MFSD6: variants seen among roughly 807,000 people sequenced by gnomAD.
MFSD6 encodes the protein major facilitator superfamily domain-containing protein 6.
In MFSD6, 26 loss-of-function variants were observed where a neutral mutation model predicts 56.3. That is an observed-to-expected ratio of 0.46 (90% CI 0.34 to 0.64). MFSD6 has a LOEUF of 0.64. MFSD6 is among the 30% of genes least tolerant of loss of function. The probability of loss-of-function intolerance (pLI) is 0.01; values close to 1 mark genes in which losing one functional copy is unlikely to be tolerated. For synonymous variants in MFSD6, 331 were observed against 366.9 expected (o/e 0.90, Z 1.12); for missense variants, 750 against 986.2 (o/e 0.76, Z 3.21).
Position 190,487,467 on chromosome 2 carries a change from A to G in MFSD6, c.1631-1190A>G, listed in dbSNP as rs1689078413. On this transcript the variant is annotated intron_variant, in intron 4 of 7. Coordinates refer to ENST00000392328, the MANE Select transcript of MFSD6 (RefSeq NM_017694.4). The surrounding 1 kb of genome is among the most constrained non-coding windows in gnomAD (Gnocchi z 5.5). ...AATGTTAACCATGATGCTAATTATA[A>G]TGGGGAAAAGTAGAAATAATCTTAA... Among the ~76,000 whole-genome samples, 1 of 152,258 alleles carries G rather than the reference A, an allele frequency of 6.6e-6. No homozygotes were observed. The highest frequency in any genetic ancestry group is 6.5e-5 in the Admixed American group (1 of 15,284).
intron 4 of MFSD6, among the ~76,000 whole-genome samples, chr2:190,478,558 G>C (rs779531035): frequency 1.3e-5 from 2 of 152,124 alleles, no homozygotes; most frequent in African/African-American, 4.8e-5. Context: ...TTTAAAGTCC[G>C]TGTGCTTAAA....
At chr2:190,468,580 G>A (rs1157361776) in intron 3 of MFSD6, among the ~76,000 whole-genome samples, 2 of 150,856 alleles carry the variant, frequency 1.3e-5, no homozygotes, top group Non-Finnish European at 2.9e-5. Context: ...AGCCTCCCAA[G>A]TAGCTGGGAC....
At chr2:190,430,495 CAT>C (rs896922474) in intron 2 of MFSD6, among the ~76,000 whole-genome samples, 17 of 151,874 alleles carry the variant, frequency 1.1e-4, no homozygotes, top group African/African-American at 3.6e-4. Flanking sequence ...GGACACAGCA[CAT>C]GTTTCAGAGA....
rs1687154747 is a variant in MFSD6, at chr2:190,458,439, A to G, written c.1533-11319A>G. ...AACGAGAGGGGCCCTGGAGAAACCA[A>G]CATTGCCAACACCTTGATTTTGGAC... On this transcript the variant is annotated intron_variant, in intron 3 of 7. Transcript: ENST00000392328. This position sits in a 1 kb window ranked among gnomAD's most constrained non-coding sequence, Gnocchi z 5.3. 6.7e-6 allele frequency among the ~76,000 whole-genome samples: 1 copy of G among 148,574 alleles called. No individual in the cohort carries two copies. The highest frequency in any genetic ancestry group is 1.5e-5 in the Non-Finnish European group (1 of 67,200).
At chr2:190,475,320 C>T (rs866415745) in intron 4 of MFSD6, among the ~76,000 whole-genome samples, 30 of 152,120 alleles carry the variant, frequency 2.0e-4, no homozygotes, top group South Asian at 1.9e-3. Context: ...AAAACCCCAT[C>T]GTCTCAGCCC....
At chr2:190,470,643 G>A (rs1222913065) in intron 4 of MFSD6, among the ~76,000 whole-genome samples, 3 of 152,118 alleles carry the variant, frequency 2.0e-5, no homozygotes, top group Admixed American at 6.5e-5. Context: ...GATTATATAC[G>A]ATTTCATTAG....
chr2:190,427,835 G>A (rs1037866313), intron 2 of MFSD6, among the ~76,000 whole-genome samples: 9 of 151,996 alleles, frequency 5.9e-5, no homozygotes, highest in South Asian at 2.1e-4. Context: ...GGGTTCAAGC[G>A]ATTCTCCTGT....
At chr2:190,468,617 T>C (rs1317499464) in intron 3 of MFSD6, among the ~76,000 whole-genome samples, 2 of 111,530 alleles carry the variant, frequency 1.8e-5, no homozygotes, top group East Asian at 7.1e-4. Flanking sequence ...CAAGCCTGGC[T>C]AATTTTTTTT....
chr2:190,448,331 T>TA (rs1686656816), intron 3 of MFSD6, among the ~76,000 whole-genome samples: 1 of 152,232 alleles, frequency 6.6e-6, no homozygotes, highest in South Asian at 2.1e-4. Context: ...GAGAAACTCA[T>TA]ACACATGCAG....
In MFSD6 at chr2:190,462,421, T is replaced by C. The variant is rs4287794; in HGVS notation, c.1533-7337T>C. 0.19 allele frequency among the ~76,000 whole-genome samples: 29,136 copies of C among 152,130 alleles called. 2,960 individuals carry two copies. The highest frequency in any genetic ancestry group is 0.29 in the East Asian group (1,475 of 5,146). On this transcript the variant is annotated intron_variant, in intron 3 of 7. Transcript: ENST00000392328. This position sits in a 1 kb window ranked among gnomAD's most constrained non-coding sequence, Gnocchi z 5.7. ...AAAATGACAGTAGCTTGTTGAGAAA[T>C]ACTGTTTTCATGAGAGTAATGCTTC...
Position 190,491,823 on chromosome 2 carries a change from CT to C in MFSD6, c.1891+1958del. Among the ~76,000 whole-genome samples the C allele has an allele frequency of 6.6e-6, 1 of 152,094 alleles. No individual in the cohort carries two copies. The highest frequency in any genetic ancestry group is 2.4e-5 in the African/African-American group (1 of 41,428). ...AACCAAGAAGAAATCTCTGACTTCC[CT>C]GAAAAAGAATTCAGAAGGTCCATTA... On this transcript the variant is annotated intron_variant, in intron 6 of 7. Coordinates refer to ENST00000392328, the MANE Select transcript of MFSD6 (RefSeq NM_017694.4). The surrounding 1 kb of genome is among the most constrained non-coding windows in gnomAD (Gnocchi z 4.2).
Position 190,501,301 on chromosome 2 carries a change from A to G in MFSD6, c.*1083A>G, listed in dbSNP as rs936916139. On this transcript the variant is annotated 3_prime_UTR_variant, in exon 8 of 8. Transcript: ENST00000392328. ...GGAAGGATGGCAATAAGTAGCAACT[A>G]TACTTTCCAATGACTAAAGAAAGAA... 6.6e-6 allele frequency: 1 copy of G among 152,338 alleles called. No individual in the cohort carries two copies. Among genetic ancestry groups the G allele is most frequent in the Non-Finnish European group, 1.5e-5 (1 of 68,028 alleles). The allele number at this position is 152,338 out of a possible 1,614,324, so 9.4% of individuals were successfully genotyped here.
rs1055823314 is a variant in MFSD6 at position 190,497,984 on chromosome 2, A to G, written c.2172+265A>G. 77 of 312,826 alleles carry G rather than the reference A, an allele frequency of 2.5e-4. No homozygotes were observed. The highest frequency in any genetic ancestry group is 1.5e-4 in the South Asian group (2 of 13,340). 19.4% of individuals were successfully genotyped at this position (312,826 alleles called of 1,614,324 possible). On this transcript the variant is annotated intron_variant, in intron 7 of 7. Transcript: ENST00000392328. This position sits in a 1 kb window ranked among gnomAD's most constrained non-coding sequence, Gnocchi z 5.2. ...TCACTTCTTGAAAGAAATAAAATAAATTAATCCATTCTTTCATTGTATATT... is the reference window on the plus strand; with the variant it reads ...TCACTTCTTGAAAGAAATAAAATAAGTTAATCCATTCTTTCATTGTATATT...
At position 190,433,819 on chromosome 2, in the gene MFSD6, T is replaced by G. The variant is rs1398276025; in HGVS notation, c.-53-2158T>G. Among the ~76,000 whole-genome samples the G allele has an allele frequency of 6.6e-6, 1 of 152,170 alleles. No homozygotes were observed. Among genetic ancestry groups the G allele is most frequent in the Non-Finnish European group, 1.5e-5 (1 of 68,020 alleles). On this transcript the variant is annotated intron_variant, in intron 2 of 7. Coordinates refer to ENST00000392328, the MANE Select transcript of MFSD6 (RefSeq NM_017694.4). This position sits in a 1 kb window ranked among gnomAD's most constrained non-coding sequence, Gnocchi z 4.5. Reference sequence around the variant, plus strand: ...TAATTTTAGAAGGTTTTTCAGAATGTTATTCATTTTGGGAAAACAAAGAGC... The same window carrying G: ...TAATTTTAGAAGGTTTTTCAGAATGGTATTCATTTTGGGAAAACAAAGAGC...
At position 190,412,629 on chromosome 2, in the gene MFSD6, A is replaced by G. The variant is rs1690605193; in HGVS notation, c.-175-2663A>G. 3.1e-6 allele frequency: 3 copies of G among 982,030 alleles called. No individual in the cohort carries two copies. Among genetic ancestry groups the G allele is most frequent in the Non-Finnish European group, 3.6e-6 (3 of 826,852 alleles). The allele number at this position is 982,030 out of a possible 1,614,324, so 60.8% of individuals were successfully genotyped here. A position where few individuals can be genotyped will look rare whatever the true frequency, so the allele number is the denominator to read the frequency against. ...TGAAAACACCTTAATGCCTCCACCAAGAACATTTCCTTTGAGTTTATAATT... is the reference window on the plus strand; with the variant it reads ...TGAAAACACCTTAATGCCTCCACCAGGAACATTTCCTTTGAGTTTATAATT... On this transcript the variant is annotated intron_variant, in intron 1 of 7. Transcript: ENST00000392328. This position sits in a 1 kb window ranked among gnomAD's most constrained non-coding sequence, Gnocchi z 4.1.
At chr2:190,449,857 A>C (rs562946956) in intron 3 of MFSD6, among the ~76,000 whole-genome samples, 137 of 151,648 alleles carry the variant, frequency 9.0e-4, no homozygotes, top group South Asian at 8.4e-3. Context: ...CACTCTGGGG[A>C]CTGTTGTGGG....
rs1291780516 is a variant in MFSD6, at chr2:190,454,534, CCCTTCCCTCTTCCCCTCTGCCG to C, written c.1533-15221_1533-15200del. On this transcript the variant is annotated intron_variant, in intron 3 of 7. Coordinates refer to ENST00000392328, the MANE Select transcript of MFSD6 (RefSeq NM_017694.4). The surrounding 1 kb of genome is among the most constrained non-coding windows in gnomAD (Gnocchi z 4.6). The stretch of plus-strand genomic sequence containing the variant: ...GTACGACTCTTTTTCTCTTTCTTTA[CCCTTCCCTCTTCCCCTCTGCCG>C]CCCTCCCTCTACCATATGAGGACAC... 2.0e-5 allele frequency: 3 copies of C among 152,314 alleles called. No homozygotes were observed. The East Asian group carries it at 5.8e-4, about 29-fold the overall frequency. 9.4% of individuals were successfully genotyped at this position (152,314 alleles called of 1,614,324 possible).
chr2:190,462,483 A>G lies in MFSD6; in HGVS notation c.1533-7275A>G, dbSNP rs1292041276. On this transcript the variant is annotated intron_variant, in intron 3 of 7. Coordinates refer to ENST00000392328, the MANE Select transcript of MFSD6 (RefSeq NM_017694.4). The surrounding 1 kb of genome is among the most constrained non-coding windows in gnomAD (Gnocchi z 5.7). ...ATATTTTATCAGTTTACATAAGATT[A>G]TATTAAATGATGTTATGGATTCATG... is the stretch of plus-strand genomic sequence containing the variant. Among the ~76,000 whole-genome samples the G allele has an allele frequency of 6.6e-6, 1 of 152,182 alleles. No individual in the cohort carries two copies. The highest frequency in any genetic ancestry group is 2.1e-4 in the South Asian group (1 of 4,830).
In MFSD6 at chr2:190,461,088, C is replaced by A. The variant is rs1687305335; in HGVS notation, c.1533-8670C>A. ...ACTAGATGGTTTACCCACACCCAAT[C>A]TCCCAAGAGTTTCAAAAGAAAGGAA... On this transcript the variant is annotated intron_variant, in intron 3 of 7. Coordinates refer to ENST00000392328, the MANE Select transcript of MFSD6 (RefSeq NM_017694.4). This position sits in a 1 kb window ranked among gnomAD's most constrained non-coding sequence, Gnocchi z 5.5. Among the ~76,000 whole-genome samples, 1 of 152,168 alleles carries A rather than the reference C, an allele frequency of 6.6e-6. No individual in the cohort carries two copies. The highest frequency in any genetic ancestry group is 2.1e-4 in the South Asian group (1 of 4,822).
Sources: allele counts gnomAD v4.1 joint callset (sites outside exome capture counted in the v4.1 genomes callset), GRCh38; gene constraint gnomAD v4.1.1; non-coding constraint Gnocchi (gnomAD v3.1); transcripts MANE v1.5; gene names NCBI Gene and HGNC (gene_info 2026-07-23, HGNC 2026-07-21).